The following PPARGC1A variants were observed in gnomAD, a reference collection of about 807,000 sequenced individuals.
PPARGC1A encodes the protein peroxisome proliferator-activated receptor gamma coactivator 1-alpha.
Under a neutral mutation model 88.7 loss-of-function variants are expected in PPARGC1A, and 25 were observed. The ratio of observed to expected loss-of-function variants is 0.28; its 90% CI spans 0.21 to 0.39. The LOEUF (loss-of-function observed/expected upper bound fraction) is 0.39, where lower values mean the gene tolerates loss of function less well. PPARGC1A is among the 10% of genes least tolerant of loss of function. The probability of loss-of-function intolerance (pLI) is 1.00; values close to 1 mark genes in which losing one functional copy is unlikely to be tolerated. For synonymous variants in PPARGC1A, 363 were observed against 355.6 expected, an observed-to-expected ratio of 1.02 and a Z score of -0.24; for missense variants, 880 against 968.7, an observed-to-expected ratio of 0.91 and a Z score of 1.22.
chr4:24,380,083 T>A, the PPARGC1A span, among the ~76,000 whole-genome samples: 1 of 152,050 alleles, frequency 6.6e-6, no homozygotes, highest in Non-Finnish European at 1.5e-5. Context: ...GGCCTATTAT[T>A]TAAATCCTTA....
the PPARGC1A span, among the ~76,000 whole-genome samples, chr4:24,122,415 G>GTGTA: frequency 1.7e-5 from 2 of 114,404 alleles, no homozygotes; most frequent in African/African-American, 3.2e-5. Flanking sequence ...GTGTGTGTGT[G>GTGTA]CATATATATA....
chr4:24,305,206 GT>G, the PPARGC1A span, among the ~76,000 whole-genome samples: 1 of 146,546 alleles, frequency 6.8e-6, no homozygotes. Context: ...CAAAGTCGTG[GT>G]TTTTTTGCCA....
the PPARGC1A span, among the ~76,000 whole-genome samples, chr4:24,076,627 C>G: frequency 3.3e-5 from 5 of 152,120 alleles, no homozygotes; most frequent in Non-Finnish European, 7.4e-5. Flanking sequence ...GGTGCTCTAT[C>G]TGTTTCTACC....
chr4:23,979,963 T>C, the PPARGC1A span, among the ~76,000 whole-genome samples: 1 of 152,012 alleles, frequency 6.6e-6, no homozygotes, highest in East Asian at 1.9e-4. Flanking sequence ...TAGATGGCTC[T>C]CTCCTAGCCA....
At chr4:23,796,751 G>A (rs372862626) in intron 12 of PPARGC1A, among the ~76,000 whole-genome samples, 2 of 151,994 alleles carry the variant, frequency 1.3e-5, no homozygotes, top group East Asian at 1.9e-4. Flanking sequence ...GTAACAAAGG[G>A]GGGCTTGGAA....
chr4:24,066,709 G>T, the PPARGC1A span, among the ~76,000 whole-genome samples: 1,074 of 152,216 alleles, frequency 7.1e-3, 17 homozygotes, highest in African/African-American at 0.024. Context: ...GAGCCAGAAA[G>T]TCTTTACTCA....
intron 7 of PPARGC1A, among the ~76,000 whole-genome samples, chr4:23,822,323 TTTTG>T (rs887536874): frequency 6.6e-6 from 1 of 151,924 alleles, no homozygotes; most frequent in East Asian, 1.9e-4. Flanking sequence ...TGTGCATTTT[TTTTG>T]TTTGTTTGTT....
chr4:24,027,511 A>G, the PPARGC1A span, among the ~76,000 whole-genome samples: 4 of 152,190 alleles, frequency 2.6e-5, no homozygotes, highest in Non-Finnish European at 4.4e-5. Context: ...ATGTTAATTC[A>G]TTATTTATTA....
Position 23,831,689 on chromosome 4 carries a change from G to C in PPARGC1A, c.297C>G (p.Leu99=), listed in dbSNP as rs151141380. 37 of 1,613,840 alleles carry C rather than the reference G, an allele frequency of 2.3e-5. No homozygotes were observed. The highest frequency in any genetic ancestry group is 3.0e-5 in the Non-Finnish European group (35 of 1,179,856). ...LAVLTETLDS[L]PVDEDGLPSF... ...AGGGCAATCCGTCTTCATCCACAGG[G>C]AGACTGTCTAGTGTCTCTGTGAGGA... Residue 99 remains leucine, a synonymous_variant, in exon 3 of 13, where the codon CTC becomes CTG. Transcript: ENST00000264867.
At chr4:23,944,186 T>C in the PPARGC1A span, among the ~76,000 whole-genome samples, 1 of 152,240 alleles carries the variant, frequency 6.6e-6, no homozygotes, top group Non-Finnish European at 1.5e-5. Flanking sequence ...TGACACTGAA[T>C]ACAAGGCATA....
chr4:24,168,642 G>C, the PPARGC1A span, among the ~76,000 whole-genome samples: 3 of 148,092 alleles, frequency 2.0e-5, no homozygotes, highest in East Asian at 6.0e-4. Context: ...CACAGACATA[G>C]ACACACACAC....
chr4:24,420,182 C>T, the PPARGC1A span, among the ~76,000 whole-genome samples: 4 of 152,112 alleles, frequency 2.6e-5, no homozygotes, highest in African/African-American at 7.2e-5. Context: ...TGAGACTTAA[C>T]GTGGGGATAC....
chr4:24,303,964 A>G, the PPARGC1A span, among the ~76,000 whole-genome samples: 1 of 152,218 alleles, frequency 6.6e-6, no homozygotes, highest in African/African-American at 2.4e-5. Context: ...TAGTCCCAAT[A>G]AGAAATGTAC....
At chr4:24,133,996 T>C in the PPARGC1A span, among the ~76,000 whole-genome samples, 1 of 152,200 alleles carries the variant, frequency 6.6e-6, no homozygotes, top group East Asian at 1.9e-4. Flanking sequence ...AAGACAAGGG[T>C]AACCAGACCA....
chr4:24,300,668 T>A, the PPARGC1A span, among the ~76,000 whole-genome samples: 3 of 152,100 alleles, frequency 2.0e-5, no homozygotes, highest in Non-Finnish European at 4.4e-5. Flanking sequence ...ACTCCCCTTA[T>A]CCTTAATAGT....
chr4:23,848,246 A>G (rs964122125), intron 2 of PPARGC1A, among the ~76,000 whole-genome samples: 2 of 152,208 alleles, frequency 1.3e-5, no homozygotes, highest in African/African-American at 4.8e-5. Context: ...TACCATGCTT[A>G]TATAGTTACA....
chr4:23,969,476 G>A, the PPARGC1A span, among the ~76,000 whole-genome samples: 1 of 152,140 alleles, frequency 6.6e-6, no homozygotes, highest in Admixed American at 6.5e-5. Flanking sequence ...TAAACATGTA[G>A]CAATTTCTTT....
At chr4:24,326,856 C>T in the PPARGC1A span, among the ~76,000 whole-genome samples, 4 of 151,954 alleles carry the variant, frequency 2.6e-5, no homozygotes, top group Admixed American at 1.3e-4. Flanking sequence ...CTGCGTGCAG[C>T]GGCTGCCGCT....
the PPARGC1A span, among the ~76,000 whole-genome samples, chr4:24,324,081 A>T: frequency 0.066 from 10,105 of 152,212 alleles, 488 homozygotes; most frequent in East Asian, 0.13. Context: ...GTGTTTAATC[A>T]TTGCAGAGAC....
Sources: allele counts gnomAD v4.1 joint callset (sites outside exome capture counted in the v4.1 genomes callset), GRCh38; gene constraint gnomAD v4.1.1; transcripts MANE v1.5; gene names NCBI Gene and HGNC (gene_info 2026-07-23, HGNC 2026-07-21).